The following CCDC102B variants were observed in gnomAD, a reference collection of about 807,000 sequenced individuals.
The protein encoded by CCDC102B is coiled-coil domain containing 102B, also known as coiled-coil domain-containing protein 102B.
Under a neutral mutation model 57.4 loss-of-function variants are expected in CCDC102B, and 75 were observed. The ratio of observed to expected loss-of-function variants is 1.31; its 90% CI spans 1.08 to 1.58. CCDC102B has a LOEUF of 1.58. Ranked by LOEUF, CCDC102B falls within the 40% of genes most tolerant of loss-of-function variation. The pLI is 0.00. For missense variants in CCDC102B, 636 were observed against 582.6 expected, an observed-to-expected ratio of 1.09 and a Z score of -0.94; for synonymous variants, 206 against 201.9, an observed-to-expected ratio of 1.02 and a Z score of -0.17.
intron 2 of CCDC102B, among the ~76,000 whole-genome samples, chr18:68,762,485 G>A (rs897043946): frequency 4.6e-5 from 7 of 151,964 alleles, no homozygotes; most frequent in African/African-American, 7.3e-5. Context: ...TGGATTATCA[G>A]ATCGACTGTC....
At chr18:68,788,285 C>G (rs1269878492) in intron 2 of CCDC102B, among the ~76,000 whole-genome samples, 14 of 152,000 alleles carry the variant, frequency 9.2e-5, no homozygotes, top group Non-Finnish European at 1.6e-4. Flanking sequence ...TGGTGTGGTG[C>G]TGACAAAAAT....
intron 6 of CCDC102B, among the ~76,000 whole-genome samples, chr18:68,961,276 C>T (rs956593194): frequency 2.0e-5 from 3 of 151,656 alleles, no homozygotes; most frequent in Non-Finnish European, 4.4e-5. Context: ...TTCAGAAGAA[C>T]CTGAAAATAT....
In CCDC102B at chr18:69,023,646, T is replaced by A. The variant is rs551373484; in HGVS notation, c.1434+12542T>A. Among the ~76,000 whole-genome samples, 109 of 151,994 alleles carry A rather than the reference T, an allele frequency of 7.2e-4. 1 individual carries two copies. The highest frequency in any genetic ancestry group is 2.5e-3 in the African/African-American group (104 of 41,514). On this transcript the variant is annotated intron_variant, in intron 7 of 7. Transcript: ENST00000360242. The stretch of plus-strand genomic sequence containing the variant: ...ACTGTAATTACAGGAGTTTGAGACA[T>A]AAGTAAGTAAATGACATGACCATAG...
chr18:68,825,424 C>T (rs912671012), intron 1 of CCDC102B, among the ~76,000 whole-genome samples: 5 of 152,028 alleles, frequency 3.3e-5, no homozygotes, highest in Admixed American at 6.6e-5. Flanking sequence ...TTAGGCCAGG[C>T]GGGGTCTGTA....
intron 6 of CCDC102B, among the ~76,000 whole-genome samples, chr18:68,954,833 G>A (rs1317625890): frequency 6.6e-6 from 1 of 152,042 alleles, no homozygotes; most frequent in African/African-American, 2.4e-5. Context: ...CCTCATCACT[G>A]GCATTCCTGA....
intron 1 of CCDC102B, among the ~76,000 whole-genome samples, chr18:68,804,879 T>A (rs2035978661): frequency 1.3e-5 from 2 of 151,178 alleles, no homozygotes; most frequent in African/African-American, 2.4e-5. Context: ...TTTTTTTTTT[T>A]ATGTTGAGGG....
intron 2 of CCDC102B, among the ~76,000 whole-genome samples, chr18:68,792,174 T>C (rs2035484602): frequency 6.6e-6 from 1 of 152,212 alleles, no homozygotes; most frequent in African/African-American, 2.4e-5. Context: ...ATATTTTTAA[T>C]CCTAATTTTA....
chr18:68,807,137 T>C (rs1267526694), intron 1 of CCDC102B, among the ~76,000 whole-genome samples: 1 of 152,152 alleles, frequency 6.6e-6, no homozygotes, highest in African/African-American at 2.4e-5. Flanking sequence ...CTACTATAGC[T>C]CTCATGTTAT....
At chr18:68,791,699 A>G (rs1454821238) in intron 2 of CCDC102B, among the ~76,000 whole-genome samples, 1 of 152,056 alleles carries the variant, frequency 6.6e-6, no homozygotes, top group Non-Finnish European at 1.5e-5. Context: ...TTTCAAAATT[A>G]TCTAGTCTAA....
upstream of CCDC102B, among the ~76,000 whole-genome samples, chr18:68,795,709 G>A (rs557037018): frequency 1.3e-4 from 20 of 152,256 alleles, no homozygotes; most frequent in South Asian, 3.7e-3. Context: ...TGGCCTCAGT[G>A]TAACCTGATT....
intron 7 of CCDC102B, among the ~76,000 whole-genome samples, chr18:69,044,570 ATTATTTC>A (rs2052511739): frequency 6.6e-6 from 1 of 152,192 alleles, no homozygotes; most frequent in Admixed American, 6.6e-5. Flanking sequence ...GCTGAGGACC[ATTATTTC>A]TATGTTTTGA....
At chr18:68,747,766 C>G (rs1346734485) in intron 2 of CCDC102B, among the ~76,000 whole-genome samples, 5 of 152,094 alleles carry the variant, frequency 3.3e-5, no homozygotes, top group African/African-American at 1.2e-4. Flanking sequence ...TTCCGTTCAT[C>G]TTGCAATGGA....
intron 5 of CCDC102B, among the ~76,000 whole-genome samples, chr18:68,892,539 C>G (rs2040115954): frequency 6.6e-6 from 1 of 152,138 alleles, no homozygotes; most frequent in Non-Finnish European, 1.5e-5. Flanking sequence ...ATTGTGTTGA[C>G]AGGTTTGCAG....
At chr18:68,762,794 T>G (rs1314608585) in intron 2 of CCDC102B, among the ~76,000 whole-genome samples, 1 of 152,098 alleles carries the variant, frequency 6.6e-6, no homozygotes, top group Admixed American at 6.6e-5. Context: ...TGATAAATCT[T>G]TAGTTAGAAT....
At chr18:69,005,126 G>A (rs895592935) in intron 6 of CCDC102B, among the ~76,000 whole-genome samples, 2 of 152,102 alleles carry the variant, frequency 1.3e-5, no homozygotes, top group Non-Finnish European at 2.9e-5. Context: ...AACTTGAGTG[G>A]TATTGTGACT....
chr18:68,915,602 G>T (rs1432577055), intron 6 of CCDC102B, among the ~76,000 whole-genome samples: 3 of 152,106 alleles, frequency 2.0e-5, no homozygotes, highest in Admixed American at 6.5e-5. Flanking sequence ...TATTTTAGTT[G>T]TAATGTTTTC....
chr18:68,849,424 A>G (rs1427640423), intron 4 of CCDC102B, among the ~76,000 whole-genome samples: 1 of 152,066 alleles, frequency 6.6e-6, no homozygotes, highest in Non-Finnish European at 1.5e-5. Context: ...AATGTATCTT[A>G]TCGACTCTGC....
intron 6 of CCDC102B, among the ~76,000 whole-genome samples, chr18:68,957,955 G>A (rs1043699127): frequency 2.4e-4 from 37 of 151,960 alleles, no homozygotes; most frequent in African/African-American, 3.9e-4. Context: ...TGATAAAGAC[G>A]TACCCAAGAT....
chr18:69,016,051 G>T (rs1275979426), intron 7 of CCDC102B, among the ~76,000 whole-genome samples: 3 of 144,958 alleles, frequency 2.1e-5, no homozygotes, highest in African/African-American at 7.7e-5. Context: ...TTTTAGTAGA[G>T]ACGGGGTTTC....
Sources: allele counts gnomAD v4.1 joint callset (sites outside exome capture counted in the v4.1 genomes callset), GRCh38; gene constraint gnomAD v4.1.1; transcripts MANE v1.5; gene names NCBI Gene and HGNC (gene_info 2026-07-23, HGNC 2026-07-21).